The following LPP variants were observed in gnomAD, a reference collection of about 807,000 sequenced individuals.
LPP encodes LIM domain containing preferred translocation partner in lipoma, also known as lipoma-preferred partner.
In LPP, 38 loss-of-function variants were observed where a neutral mutation model predicts 60.4. That is an observed-to-expected ratio of 0.63 (90% CI 0.49 to 0.83). The LOEUF (loss-of-function observed/expected upper bound fraction) is 0.83, where lower values mean the gene tolerates loss of function less well. LPP is among the 40% of genes least tolerant of loss of function. LPP has a pLI of 0.00. For synonymous variants in LPP, 328 were observed against 290.8 expected (o/e 1.13, Z -1.30); for missense variants, 902 against 783.6 (o/e 1.15, Z -1.80).
At chr3:188,406,902 A>C (rs1199806989) in intron 4 of LPP, among the ~76,000 whole-genome samples, 1 of 152,194 alleles carries the variant, frequency 6.6e-6, no homozygotes, top group Non-Finnish European at 1.5e-5. Flanking sequence ...CATTCAGTTT[A>C]CATCAAGTAG....
Position 188,745,787 on chromosome 3 carries a change from G to C in LPP, c.1241-14326G>C, listed in dbSNP as rs550730403. The stretch of plus-strand genomic sequence containing the variant: ...CTTCGTTCTCCTTCCTCTGTTGGTG[G>C]GGATCAATAGAGCAGGATCCTCAAA... On this transcript the variant is annotated intron_variant, in intron 8 of 11. Coordinates refer to ENST00000617246, the MANE Select transcript of LPP (RefSeq NM_001375462.1). Among the ~76,000 whole-genome samples the C allele has an allele frequency of 1.4e-3, 219 of 152,190 alleles. 2 individuals carry two copies. The highest frequency in any genetic ancestry group is 5.1e-3 in the African/African-American group (210 of 41,500).
intron 7 of LPP, among the ~76,000 whole-genome samples, chr3:188,670,387 T>C (rs901546307): frequency 6.6e-6 from 1 of 152,000 alleles, no homozygotes; most frequent in African/African-American, 2.4e-5. Flanking sequence ...GTTTTGCCAA[T>C]GGTCACATAG....
At chr3:188,465,588 A>C (rs969079221) in intron 4 of LPP, among the ~76,000 whole-genome samples, 4 of 152,200 alleles carry the variant, frequency 2.6e-5, no homozygotes, top group African/African-American at 9.6e-5. Context: ...CGAAAACCAC[A>C]ATCTAATAAA....
intron 9 of LPP, among the ~76,000 whole-genome samples, chr3:188,834,167 T>G (rs1364506883): frequency 1.3e-5 from 2 of 152,160 alleles, no homozygotes; most frequent in Admixed American, 1.3e-4. Flanking sequence ...CCTTTGTCTG[T>G]GCACACTCTA....
rs35953542 is a variant in LPP at position 188,812,774 on chromosome 3, C to CCT, written c.1410+52512_1410+52513dup. On this transcript the variant is annotated intron_variant, in intron 9 of 11. Transcript: ENST00000617246. ...GAGCTAATTATACTCTCTCACTCTCCCTCTCTCTCTCTCTCTCTCTCGCTG... is the reference window on the plus strand; with the variant it reads ...GAGCTAATTATACTCTCTCACTCTCCCTCTCTCTCTCTCTCTCTCTCTCGCTG... 4.0e-3 allele frequency among the ~76,000 whole-genome samples: 600 copies of CCT among 148,590 alleles called. 4 individuals carry two copies. The highest frequency in any genetic ancestry group is 0.013 in the African/African-American group (507 of 40,516).
rs891082924 is a variant in LPP at position 188,815,955 on chromosome 3, A to G, written c.1411-50245A>G. Among the ~76,000 whole-genome samples, 41 of 152,200 alleles carry G rather than the reference A, an allele frequency of 2.7e-4. 1 individual carries two copies. Among genetic ancestry groups the G allele is most frequent in the Admixed American group, 2.7e-3 (41 of 15,276 alleles). ...TATTTCACTGTGATTCTGTTGAGAC[A>G]GGATCCGAAAGTAAATTTCATAAGA... On this transcript the variant is annotated intron_variant, in intron 9 of 11. Transcript: ENST00000617246.
intron 2 of LPP, among the ~76,000 whole-genome samples, chr3:188,247,834 A>G (rs6796418): frequency 0.058 from 8,827 of 152,010 alleles, 485 homozygotes; most frequent in African/African-American, 0.14. Context: ...ATCAATATCA[A>G]TCTAAGGACA....
chr3:188,400,655 A>G (rs376066110), intron 3 of LPP, among the ~76,000 whole-genome samples: 11 of 152,184 alleles, frequency 7.2e-5, no homozygotes, highest in Admixed American at 4.6e-4. Flanking sequence ...TCCCTTCAGC[A>G]GTAGGCATCT....
chr3:188,717,028 TAGAC>T (rs1267570860), intron 8 of LPP, among the ~76,000 whole-genome samples: 2 of 152,190 alleles, frequency 1.3e-5, no homozygotes, highest in African/African-American at 2.4e-5. Flanking sequence ...TCCTACAAAA[TAGAC>T]AGTGTGTTTA....
intron 4 of LPP, among the ~76,000 whole-genome samples, chr3:188,449,288 T>A (rs1796045227): frequency 6.6e-6 from 1 of 152,182 alleles, no homozygotes. Flanking sequence ...TTTGATTGAC[T>A]TTCTTTTTCT....
rs915143461 is a variant in LPP, at chr3:188,600,565, C to G, written c.430-8596C>G. On this transcript the variant is annotated intron_variant, in intron 6 of 11. Transcript: ENST00000617246. Reference sequence around the variant, plus strand: ...ATATAGTGGTAAAATATACATAATACAGAATTTCACATTCTAACCAATTTT... The same window carrying G: ...ATATAGTGGTAAAATATACATAATAGAGAATTTCACATTCTAACCAATTTT... Among the ~76,000 whole-genome samples the G allele has an allele frequency of 1.3e-4, 20 of 151,994 alleles. No individual in the cohort carries two copies. The East Asian group carries it at 3.7e-3, about 28-fold the overall frequency.
intron 7 of LPP, among the ~76,000 whole-genome samples, chr3:188,685,082 G>A (rs572409330): frequency 6.6e-6 from 1 of 152,248 alleles, no homozygotes; most frequent in Admixed American, 6.5e-5. Context: ...TTTCCATTTT[G>A]CATTGAGGAA....
intron 8 of LPP, among the ~76,000 whole-genome samples, chr3:188,717,495 A>T (rs191559891): frequency 7.9e-5 from 12 of 152,354 alleles, no homozygotes; most frequent in East Asian, 5.8e-4. Context: ...GACCTAATTA[A>T]TGAAAAACCC....
At chr3:188,483,701 G>A (rs1007888693) in intron 4 of LPP, among the ~76,000 whole-genome samples, 6 of 152,038 alleles carry the variant, frequency 3.9e-5, no homozygotes, top group Non-Finnish European at 8.8e-5. Context: ...TCTCTTGTTG[G>A]TAAGAGATGC....
chr3:188,260,660 A>G (rs994386747), intron 2 of LPP, among the ~76,000 whole-genome samples: 4 of 152,082 alleles, frequency 2.6e-5, no homozygotes, highest in African/African-American at 9.7e-5. Context: ...GTTGTTTTTT[A>G]AGGCAACTGT....
At chr3:188,864,231 C>T (rs56971293) in intron 9 of LPP, among the ~76,000 whole-genome samples, 4,017 of 152,262 alleles carry the variant, frequency 0.026, 153 homozygotes, top group African/African-American at 0.091. Flanking sequence ...GCAACCACAG[C>T]TTTGAGGGAA....
chr3:188,418,153 C>G (rs1578745307), intron 4 of LPP, among the ~76,000 whole-genome samples: 1 of 152,148 alleles, frequency 6.6e-6, no homozygotes, highest in Middle Eastern at 3.4e-3. Context: ...TTCCTAAAGA[C>G]AAATGAAAAA....
At chr3:188,233,649 A>T (rs919810137) in intron 2 of LPP, among the ~76,000 whole-genome samples, 1 of 152,190 alleles carries the variant, frequency 6.6e-6, no homozygotes. Flanking sequence ...TACATAATGA[A>T]AGTATTCCTG....
intron 5 of LPP, among the ~76,000 whole-genome samples, chr3:188,517,391 A>G (rs1162667483): frequency 1.3e-5 from 2 of 152,212 alleles, no homozygotes; most frequent in Non-Finnish European, 2.9e-5. Flanking sequence ...CAACAAAATG[A>G]TTACACTTTC....
Sources: allele counts gnomAD v4.1 joint callset (sites outside exome capture counted in the v4.1 genomes callset), GRCh38; gene constraint gnomAD v4.1.1; transcripts MANE v1.5; gene names NCBI Gene and HGNC (gene_info 2026-07-23, HGNC 2026-07-21).